Variants in EBPL observed in about 807,000 individuals in gnomAD.
EBPL encodes the protein emopamil-binding protein-like.
In EBPL, 20 loss-of-function variants were observed where a neutral mutation model predicts 19.0. That is an observed-to-expected ratio of 1.05 (90% CI 0.74 to 1.53). EBPL has a LOEUF of 1.53. Ranked by LOEUF, EBPL falls within the 40% of genes most tolerant of loss-of-function variation. The pLI is 0.00. For synonymous variants in EBPL, 107 were observed against 117.0 expected (o/e 0.91, Z 0.55); for missense variants, 219 against 261.1 (o/e 0.84, Z 1.11).
At chr13:49,664,715 G>A (rs1315508036) in intron 2 of EBPL, among the ~76,000 whole-genome samples, 3 of 152,146 alleles carry the variant, frequency 2.0e-5, no homozygotes, top group African/African-American at 7.2e-5. Flanking sequence ...AGAGGAGCCT[G>A]TGATCTGCTA....
intron 1 of EBPL, chr13:49,686,634 CA>C: frequency 7.8e-7 from 1 of 1,286,242 alleles, no homozygotes; most frequent in Non-Finnish European, 1.0e-6. Flanking sequence ...TCTTATTCCT[CA>C]GCTCTTTCAC....
intron 1 of EBPL, among the ~76,000 whole-genome samples, chr13:49,682,860 C>T (rs534913519): frequency 2.0e-5 from 3 of 152,256 alleles, no homozygotes; most frequent in Admixed American, 6.5e-5. Context: ...CTGCTGCATC[C>T]CAAAGGCCCT....
intron 1 of EBPL, among the ~76,000 whole-genome samples, chr13:49,676,995 A>G (rs185416722): frequency 6.6e-6 from 1 of 152,288 alleles, no homozygotes; most frequent in African/African-American, 2.4e-5. Context: ...AGTATATTAA[A>G]AAAATGCTCT....
chr13:49,683,218 G>A (rs1033995015), intron 1 of EBPL, among the ~76,000 whole-genome samples: 19 of 151,854 alleles, frequency 1.3e-4, no homozygotes, highest in Admixed American at 5.2e-4. Context: ...CAGGTGATCC[G>A]CCCGCCTCAG....
chr13:49,691,111 CCT>C (rs1954058512), intron 1 of EBPL, 141 bp downstream of exon 1: 8 of 751,800 alleles, frequency 1.1e-5, no homozygotes, highest in Non-Finnish European at 1.3e-5. Context: ...CCTCCAGGCG[CCT>C]CTCAGCTAAC....
At chr13:49,675,141 T>C (rs1182826202) in intron 1 of EBPL, among the ~76,000 whole-genome samples, 6 of 152,330 alleles carry the variant, frequency 3.9e-5, no homozygotes, top group African/African-American at 1.2e-4. Context: ...GTGGACATCA[T>C]AGAGTGTATT....
At chr13:49,688,253 G>C (rs973851852) in intron 1 of EBPL, among the ~76,000 whole-genome samples, 1 of 152,156 alleles carries the variant, frequency 6.6e-6, no homozygotes, top group African/African-American at 2.4e-5. Context: ...GCCCTCTGCT[G>C]TAGTCATAAC....
chr13:49,690,472 A>AGTGTGT (rs371591969), intron 1 of EBPL, among the ~76,000 whole-genome samples: 1 of 121,698 alleles, frequency 8.2e-6, no homozygotes, highest in Non-Finnish European at 1.9e-5. Flanking sequence ...AAAACTTAAA[A>AGTGTGT]GTGTGTGTGT....
At chr13:49,667,738 GC>G (rs1953754493) in intron 2 of EBPL, among the ~76,000 whole-genome samples, 1 of 152,220 alleles carries the variant, frequency 6.6e-6, no homozygotes, top group African/African-American at 2.4e-5. Context: ...TCCTGCCTCA[GC>G]CTCCCAAGTA....
At chr13:49,676,366 C>G (rs9596167) in intron 1 of EBPL, among the ~76,000 whole-genome samples, 1 of 151,880 alleles carries the variant, frequency 6.6e-6, no homozygotes, top group African/African-American at 2.4e-5. Context: ...CTGAGGCGGA[C>G]GGACCACAAG....
At chr13:49,667,475 C>G (rs1487525782) in intron 2 of EBPL, among the ~76,000 whole-genome samples, 1 of 152,254 alleles carries the variant, frequency 6.6e-6, no homozygotes, top group East Asian at 1.9e-4. Context: ...AAGGTCAGAA[C>G]ACAGGTCATC....
chr13:49,673,991 A>ACACACACACACC (rs761864930), intron 1 of EBPL, among the ~76,000 whole-genome samples: 1 of 148,284 alleles, frequency 6.7e-6, no homozygotes, highest in Non-Finnish European at 1.5e-5. Context: ...ACACACACAC[A>ACACACACACACC]CCACACAAAG....
chr13:49,673,258 T>C (rs560380258), intron 1 of EBPL, among the ~76,000 whole-genome samples: 1 of 152,250 alleles, frequency 6.6e-6, no homozygotes, highest in African/African-American at 2.4e-5. Flanking sequence ...AAATATGCAA[T>C]GACCATACGA....
intron 1 of EBPL, among the ~76,000 whole-genome samples, chr13:49,690,845 G>T (rs1954054727): frequency 6.6e-6 from 1 of 152,190 alleles, no homozygotes; most frequent in Non-Finnish European, 1.5e-5. Flanking sequence ...CGGGTTTTGC[G>T]ACAATAGCCT....
At chr13:49,669,367 A>G (rs1953785635) in intron 2 of EBPL, among the ~76,000 whole-genome samples, 1 of 152,146 alleles carries the variant, frequency 6.6e-6, no homozygotes, top group South Asian at 2.1e-4. Flanking sequence ...CACCTGGCTC[A>G]TTTAAAAAAC....
At chr13:49,684,882 C>T (rs752185015) in intron 1 of EBPL, among the ~76,000 whole-genome samples, 1 of 151,988 alleles carries the variant, frequency 6.6e-6, no homozygotes, top group Non-Finnish European at 1.5e-5. Context: ...ATCAAAATAC[C>T]GAGTATTAGA....
chr13:49,686,637 C>G (rs1954001912), intron 1 of EBPL: 1 of 1,285,782 alleles, frequency 7.8e-7, no homozygotes, highest in African/African-American at 1.5e-5. Context: ...TATTCCTCAG[C>G]TCTTTCACCC....
At position 49,664,494 on chromosome 13, in the gene EBPL, C is replaced by A. The variant is rs118062668; in HGVS notation, c.242-1299G>T. On this transcript the variant is annotated intron_variant, in intron 2 of 3. Transcript: ENST00000242827. ...TATCAGAGTGGTTTCTTCTCAGGAA[C>A]ACCATGACTCAGAAAGTCTTTTCAG... Among the ~76,000 whole-genome samples, 460 of 152,284 alleles carry A rather than the reference C, an allele frequency of 3.0e-3. 1 individual carries two copies. The highest frequency in any genetic ancestry group is 6.8e-3 in the Middle Eastern group (2 of 294).
At chr13:49,676,313 C>T (rs1240996277) in intron 1 of EBPL, among the ~76,000 whole-genome samples, 6 of 152,172 alleles carry the variant, frequency 3.9e-5, no homozygotes, top group East Asian at 1.9e-4. Flanking sequence ...CTAGTGAGGC[C>T]GGGTGCAGTG....
Sources: gnomAD v4.1 joint callset for allele counts (sites outside exome capture counted in the v4.1 genomes callset) on GRCh38, gnomAD v4.1.1 for gene constraint, MANE v1.5 for transcripts, NCBI Gene and HGNC (gene_info 2026-07-23, HGNC 2026-07-21) for gene names.